Variants in CDX4 observed in about 807,000 individuals in gnomAD.
The protein encoded by CDX4 is caudal type homeobox 4, also known as homeobox protein CDX-4.
In CDX4, 11 loss-of-function variants were observed where a neutral mutation model predicts 14.1. That is an observed-to-expected ratio of 0.78 (90% CI 0.49 to 1.29). The LOEUF is 1.29. Ranked by LOEUF, CDX4 falls within the 50% of genes most tolerant of loss-of-function variation. The probability of loss-of-function intolerance (pLI) is 0.00; values close to 1 mark genes in which losing one functional copy is unlikely to be tolerated. For synonymous variants in CDX4, 100 were observed against 93.5 expected (o/e 1.07, Z -0.40); for missense variants, 257 against 237.4 (o/e 1.08, Z -0.54).
rs747248108 is a variant in CDX4, at chrX:73,447,627, G to T, written c.374G>T (p.Gly125Val). The T allele has an allele frequency of 2.1e-5, 26 of 1,211,083 alleles. No individual in the cohort carries two copies. The highest frequency in any genetic ancestry group is 2.8e-5 in the Non-Finnish European group (25 of 895,344). The change falls in exon 1 of 3, where the codon GGC becomes GTC. Residue 125 changes from glycine (G) to valine (V), a missense_variant. Physicochemically the swap from Gly to Val is moderately radical, Grantham distance 109. Coordinates refer to ENST00000373514, the MANE Select transcript of CDX4 (RefSeq NM_005193.2). ...NLGPVGGGTS[G>V]SSLPGQAGGS... ...GGCCCTGTGGGCGGTGGAACTAGCG[G>T]CAGCAGCCTACCAGGCCAGGCTGGC... is the stretch of plus-strand genomic sequence containing the variant.
chrX:73,447,734 C>G lies in CDX4; in HGVS notation c.481C>G (p.Arg161Gly). ...RSRHSPYAWM[R>G]KTVQVTGKTR... Reference sequence around the variant, plus strand: ...CCGCCACAGCCCCTATGCATGGATGCGCAAGACGGTGCAGGTGACGGGTGA... The same window carrying G: ...CCGCCACAGCCCCTATGCATGGATGGGCAAGACGGTGCAGGTGACGGGTGA... The change falls in exon 1 of 3, where the codon CGC (arginine) becomes GGC (glycine). Residue 161 changes from arginine to glycine, a missense_variant. Physicochemically the swap from Arg to Gly is moderately radical, Grantham distance 125. Transcript: ENST00000373514. 8.5e-7 allele frequency: 1 copy of G among 1,180,247 alleles called. No homozygotes were observed.
chrX:73,451,337 C>T (rs2057086158), intron 1 of CDX4, among the ~76,000 whole-genome samples: 1 of 111,373 alleles, frequency 9.0e-6, no homozygotes, highest in African/African-American at 3.3e-5. Flanking sequence ...ATTTGAGGAG[C>T]GGGACACAAA....
chrX:73,450,147 C>T (rs767299212), intron 1 of CDX4, among the ~76,000 whole-genome samples: 121 of 111,141 alleles, frequency 1.1e-3, no homozygotes, highest in African/African-American at 3.9e-3. Flanking sequence ...TGAAAAATGT[C>T]TTAAATAAAT....
chrX:73,447,609 T>A lies in CDX4; in HGVS notation c.356T>A (p.Val119Glu), dbSNP rs1375799815. The A allele has an allele frequency of 7.4e-6, 9 of 1,210,994 alleles. No individual in the cohort carries two copies. Among genetic ancestry groups the A allele is most frequent in the Non-Finnish European group, 1.0e-5 (9 of 895,271 alleles). The change falls in exon 1 of 3, where the codon GTG (valine) becomes GAG (glutamate). Residue 119 changes from valine (V) to glutamate (E), a missense_variant. By Grantham distance (121) the Val-to-Glu change is moderately radical. Coordinates refer to ENST00000373514, the MANE Select transcript of CDX4 (RefSeq NM_005193.2). ...CSTDYSNLGP[V>E]GGGTSGSSLP... ...ACCGACTACAGCAACTTGGGCCCTGTGGGCGGTGGAACTAGCGGCAGCAGC... is the reference window on the plus strand; with the variant it reads ...ACCGACTACAGCAACTTGGGCCCTGAGGGCGGTGGAACTAGCGGCAGCAGC...
rs747681298 is a variant in CDX4 at position 73,447,774 on chromosome X, T to G, written c.502+19T>G. The G allele has an allele frequency of 2.6e-6, 3 of 1,153,663 alleles. No homozygotes were observed. Among genetic ancestry groups the G allele is most frequent in the Admixed American group, 4.8e-5 (2 of 41,288 alleles). On this transcript the variant is annotated intron_variant, in intron 1 of 2. Transcript: ENST00000373514. ...GTGACGGGTGAGTAATCAATTCCAA[T>G]GCCCACACACTTTTCCTTCCTTCCC...
At chrX:73,447,821 C>A in intron 1 of CDX4, 66 bp downstream of exon 1, 1 of 1,109,061 alleles carries the variant, frequency 9.0e-7, no homozygotes, top group South Asian at 2.1e-5. Context: ...TTCTCTTGGT[C>A]GGCCTGCCCT....
In CDX4 at chrX:73,455,107, G is replaced by A. The variant is rs900210831; in HGVS notation, c.*522G>A. The A allele has an allele frequency of 1.8e-5, 2 of 112,065 alleles. No individual in the cohort carries two copies. Among genetic ancestry groups the A allele is most frequent in the Non-Finnish European group, 3.8e-5 (2 of 53,217 alleles). 9.2% of individuals were successfully genotyped at this position (112,065 alleles called of 1,213,427 possible). A position where few individuals can be genotyped will look rare whatever the true frequency, so the allele number is the denominator to read the frequency against. ...AATGTTTTAAAAATCATCAGAAGGT[G>A]ATTCTGATTCCATTGTCACTGCTTA... On this transcript the variant is annotated 3_prime_UTR_variant, in exon 3 of 3. Coordinates refer to ENST00000373514, the MANE Select transcript of CDX4 (RefSeq NM_005193.2).
chrX:73,454,870 A>G lies in CDX4; in HGVS notation c.*285A>G. ...ACAGGCCCTTCCAACTCTGTTCACA[A>G]TTTCAGAAACTTGCTTATGAATAGA... On this transcript the variant is annotated 3_prime_UTR_variant, in exon 3 of 3. Transcript: ENST00000373514. 3.9e-6 allele frequency: 1 copy of G among 258,751 alleles called. No homozygotes were observed. The highest frequency in any genetic ancestry group is 6.9e-6 in the Non-Finnish European group (1 of 145,972). The allele number at this position is 258,751 out of a possible 1,213,427, so 21.3% of individuals were successfully genotyped here.
At chrX:73,449,480 G>A (rs752340925) in intron 1 of CDX4, among the ~76,000 whole-genome samples, 1 of 111,413 alleles carries the variant, frequency 9.0e-6, no homozygotes, top group Non-Finnish European at 1.9e-5. Context: ...TTTCGAAACG[G>A]GCTCCTTAGT....
At chrX:73,451,010 T>C (rs2057085177) in intron 1 of CDX4, among the ~76,000 whole-genome samples, 1 of 111,647 alleles carries the variant, frequency 9.0e-6, no homozygotes, top group African/African-American at 3.3e-5. Context: ...CATCCATCTT[T>C]AACTACAGAA....
chrX:73,453,576 C>T lies in CDX4; in HGVS notation c.562C>T (p.Leu188=). 8.3e-7 allele frequency: 1 copy of T among 1,200,025 alleles called. No individual in the cohort carries two copies. The change falls in exon 2 of 3, where the codon CTG becomes TTG. Residue 188 remains leucine (L), a synonymous_variant. Transcript: ENST00000373514. The part of the protein sequence containing the change: ...VVYTDHQRLE[L]EKEFHCNRYI... ...TTACACTGATCATCAAAGATTGGAG[C>T]TGGAAAAGGAATTCCATTGCAATAG...
Position 73,453,510 on chromosome X carries a change from C to A in CDX4, c.503-7C>A, listed in dbSNP as rs368681681. On this transcript the variant is annotated splice_region_variant and splice_polypyrimidine_tract_variant and intron_variant, in intron 1 of 2. Coordinates refer to ENST00000373514, the MANE Select transcript of CDX4 (RefSeq NM_005193.2). ...AAGATTAAATGCAATGCTTTCTCTCCTAACAGGGAAAACCAGGACAAAAGA... is the reference window on the plus strand; with the variant it reads ...AAGATTAAATGCAATGCTTTCTCTCATAACAGGGAAAACCAGGACAAAAGA... The A allele has an allele frequency of 1.2e-5, 14 of 1,191,449 alleles. No homozygotes were observed. The highest frequency in any genetic ancestry group is 1.5e-5 in the Non-Finnish European group (13 of 885,647).
intron 2 of CDX4, 62 bp from the exon 3 acceptor site, chrX:73,454,317 C>G: frequency 1.3e-6 from 1 of 793,948 alleles, no homozygotes; most frequent in Non-Finnish European, 1.9e-6. Context: ...GCTAAAGTCT[C>G]TGTACAATAT....
At chrX:73,449,931 A>G (rs2057082037) in intron 1 of CDX4, among the ~76,000 whole-genome samples, 1 of 111,511 alleles carries the variant, frequency 9.0e-6, no homozygotes, top group Non-Finnish European at 1.9e-5. Flanking sequence ...CCCACTCAGG[A>G]CCAAAATGCA....
intron 1 of CDX4, among the ~76,000 whole-genome samples, chrX:73,449,385 G>A (rs1603328081): frequency 8.9e-6 from 1 of 112,129 alleles, no homozygotes; most frequent in Non-Finnish European, 1.9e-5. Flanking sequence ...AAATATGACA[G>A]TTTTATCTGC....
intron 2 of CDX4, among the ~76,000 whole-genome samples, chrX:73,454,059 C>T (rs941552579): frequency 1.8e-5 from 2 of 111,553 alleles, no homozygotes; most frequent in East Asian, 2.8e-4. Context: ...CTTATCAGCA[C>T]ACCTCAGCTT....
At chrX:73,453,009 A>G (rs781773791) in intron 1 of CDX4, among the ~76,000 whole-genome samples, 2 of 111,981 alleles carry the variant, frequency 1.8e-5, no homozygotes, top group South Asian at 7.4e-4. Flanking sequence ...TGCATAATTC[A>G]AGAAGGTAGG....
rs1322498041 is a variant in CDX4, at chrX:73,449,289, C to T, written c.502+1534C>T. ...AACACATTAAGAGGAAAGTCACTGG[C>T]GTGCTGTTTGCAATAGAGAACAAGA... is the stretch of plus-strand genomic sequence containing the variant. On this transcript the variant is annotated intron_variant, in intron 1 of 2. Coordinates refer to ENST00000373514, the MANE Select transcript of CDX4 (RefSeq NM_005193.2). 7.2e-5 allele frequency among the ~76,000 whole-genome samples: 8 copies of T among 111,444 alleles called. No homozygotes were observed. The Admixed American group carries it at 7.6e-4, about 11-fold the overall frequency.
rs1250521443 is a variant in CDX4, at chrX:73,454,151, G to C, written c.649-228G>C. ...TAATATTAAGATTATTGCATTCAGA[G>C]TTAGTAGCCCTAGACTTGGATCTCA... On this transcript the variant is annotated intron_variant, in intron 2 of 2. Coordinates refer to ENST00000373514, the MANE Select transcript of CDX4 (RefSeq NM_005193.2). Among the ~76,000 whole-genome samples, 3 of 111,588 alleles carry C rather than the reference G, an allele frequency of 2.7e-5. No individual in the cohort carries two copies. In the Admixed American group the frequency reaches 2.8e-4, roughly 11 times the overall value.
Sources: gnomAD v4.1 joint callset for allele counts (sites outside exome capture counted in the v4.1 genomes callset) on GRCh38, gnomAD v4.1.1 for gene constraint, MANE v1.5 for transcripts, NCBI Gene and HGNC (gene_info 2026-07-23, HGNC 2026-07-21) for gene names.